The following JMJD1C variants were observed in gnomAD, a reference collection of about 807,000 sequenced individuals.
JMJD1C encodes the protein jumonji domain-containing protein 1C.
A neutral mutation model predicts 245.3 loss-of-function variants in JMJD1C; 31 were observed. That is an observed-to-expected ratio of 0.13 (90% CI 0.09 to 0.17). JMJD1C has a LOEUF of 0.17. Ranked by LOEUF, JMJD1C falls within the 10% of genes least tolerant of loss-of-function variation. JMJD1C has a pLI of 1.00. For synonymous variants in JMJD1C, 1,057 were observed against 1,017.4 expected, an observed-to-expected ratio of 1.04 and a Z score of -0.74; for missense variants, 2,691 against 3,000.2, an observed-to-expected ratio of 0.90 and a Z score of 2.41.
At chr10:63,442,046 A>G (rs1279481985) in intron 1 of JMJD1C, among the ~76,000 whole-genome samples, 4 of 152,234 alleles carry the variant, frequency 2.6e-5, no homozygotes, top group Non-Finnish European at 5.9e-5. Context: ...GTACATACTG[A>G]TGACTGGTTG....
intron 24 of JMJD1C, among the ~76,000 whole-genome samples, chr10:63,168,927 A>C (rs1842090004): frequency 6.6e-6 from 1 of 152,206 alleles, no homozygotes; most frequent in Admixed American, 6.6e-5. Flanking sequence ...GAGGCAATCT[A>C]TCTGAGTATG....
chr10:63,238,514 C>G (rs1851056850), intron 3 of JMJD1C, among the ~76,000 whole-genome samples: 1 of 152,106 alleles, frequency 6.6e-6, no homozygotes, highest in Non-Finnish European at 1.5e-5. Context: ...AAATAACATA[C>G]TGAACATAAG....
chr10:63,262,628 C>A (rs1854927345), intron 3 of JMJD1C, among the ~76,000 whole-genome samples: 1 of 152,128 alleles, frequency 6.6e-6, no homozygotes, highest in Admixed American at 6.5e-5. Flanking sequence ...TTCAGAAACA[C>A]AATGGTTAAA....
intron 1 of JMJD1C, among the ~76,000 whole-genome samples, chr10:63,494,082 G>A (rs1007141879): frequency 2.6e-5 from 4 of 152,066 alleles, no homozygotes; most frequent in Admixed American, 6.6e-5. Context: ...AGGCCGAGGC[G>A]GGCGGATCAC....
intron 3 of JMJD1C, among the ~76,000 whole-genome samples, chr10:63,238,231 T>C (rs1184448828): frequency 6.7e-6 from 1 of 149,334 alleles, no homozygotes; most frequent in Non-Finnish European, 1.5e-5. Flanking sequence ...AAAATTCCAA[T>C]GTATCATAAT....
chr10:63,380,617 C>A (rs1292244309), intron 1 of JMJD1C, 135 bp from the exon 2 acceptor site: 3 of 646,556 alleles, frequency 4.6e-6, no homozygotes, highest in African/African-American at 3.7e-5. Context: ...GTGTAATGAT[C>A]AAATCAGGGT....
chr10:63,327,688 G>A (rs1156615721), intron 2 of JMJD1C, among the ~76,000 whole-genome samples: 2 of 149,972 alleles, frequency 1.3e-5, no homozygotes, highest in African/African-American at 4.9e-5. Context: ...TTTTTTTTGA[G>A]ATGGAGTTTC....
At chr10:63,281,307 C>A (rs547703893) in intron 2 of JMJD1C, among the ~76,000 whole-genome samples, 20 of 48,794 alleles carry the variant, frequency 4.1e-4, no homozygotes, top group Non-Finnish European at 5.0e-4. Flanking sequence ...GCTAATTTTT[C>A]TGTTTTTTTT....
At chr10:63,305,459 C>CTCT (rs1937978126) in intron 2 of JMJD1C, among the ~76,000 whole-genome samples, 9 of 113,086 alleles carry the variant, frequency 8.0e-5, no homozygotes, top group African/African-American at 3.0e-4. Flanking sequence ...ACGCTCTGAC[C>CTCT]CTCTCTCTCT....
At chr10:63,304,508 T>A (rs1402922239) in intron 2 of JMJD1C, among the ~76,000 whole-genome samples, 1 of 152,230 alleles carries the variant, frequency 6.6e-6, no homozygotes, top group East Asian at 1.9e-4. Flanking sequence ...AGACGTGGGA[T>A]TTAATTAAAC....
At chr10:63,283,063 T>TC (rs1857583813) in intron 2 of JMJD1C, among the ~76,000 whole-genome samples, 1 of 152,100 alleles carries the variant, frequency 6.6e-6, no homozygotes, top group African/African-American at 2.4e-5. Flanking sequence ...GTCCTGTCCC[T>TC]CTAAAGGAAT....
At chr10:63,243,477 G>T (rs1447659504) in intron 3 of JMJD1C, among the ~76,000 whole-genome samples, 5 of 152,114 alleles carry the variant, frequency 3.3e-5, no homozygotes, top group Admixed American at 3.3e-4. Flanking sequence ...GCTGAGCCGA[G>T]ATCACGCCAT....
At chr10:63,378,128 G>C (rs1212483081) in intron 2 of JMJD1C, among the ~76,000 whole-genome samples, 1 of 151,772 alleles carries the variant, frequency 6.6e-6, no homozygotes, top group Non-Finnish European at 1.5e-5. Context: ...AAAGGTTGGT[G>C]ATTGTTTAAG....
chr10:63,412,203 C>T (rs1423588661), intron 1 of JMJD1C, among the ~76,000 whole-genome samples: 2 of 152,152 alleles, frequency 1.3e-5, no homozygotes, highest in Admixed American at 6.5e-5. Context: ...TAATAGCCTA[C>T]TGTTGACCGG....
At chr10:63,415,941 T>C (rs528435107) in intron 1 of JMJD1C, among the ~76,000 whole-genome samples, 1 of 152,250 alleles carries the variant, frequency 6.6e-6, no homozygotes, top group African/African-American at 2.4e-5. Flanking sequence ...TTTGCTGAAC[T>C]CCCACAACTA....
intron 1 of JMJD1C, among the ~76,000 whole-genome samples, chr10:63,454,424 A>AT (rs1952276052): frequency 1.3e-5 from 2 of 151,576 alleles, no homozygotes; most frequent in African/African-American, 4.8e-5. Context: ...CACCCAGCTA[A>AT]TTTTTTTGTT....
intron 2 of JMJD1C, among the ~76,000 whole-genome samples, chr10:63,377,061 G>A (rs1370463037): frequency 1.3e-5 from 2 of 152,156 alleles, no homozygotes; most frequent in East Asian, 3.8e-4. Context: ...AGAACGTGGT[G>A]TATAAACACA....
chr10:63,204,163 C>T (rs776012423), intron 10 of JMJD1C: 68 of 984,836 alleles, frequency 6.9e-5, no homozygotes, highest in Non-Finnish European at 8.0e-5. Flanking sequence ...TCTAGGTAGC[C>T]TAGAACAAAA....
intron 1 of JMJD1C, among the ~76,000 whole-genome samples, chr10:63,446,115 T>C (rs1056172996): frequency 2.0e-5 from 3 of 151,898 alleles, no homozygotes; most frequent in East Asian, 1.9e-4. Flanking sequence ...ACTCAAGCAA[T>C]GTACCCGCCT....
Sources: allele counts gnomAD v4.1 joint callset (sites outside exome capture counted in the v4.1 genomes callset), GRCh38; gene constraint gnomAD v4.1.1; transcripts MANE v1.5; gene names NCBI Gene and HGNC (gene_info 2026-07-23, HGNC 2026-07-21).